Variants in SNX8 observed in about 807,000 individuals in gnomAD.
SNX8 encodes sorting nexin 8.
SNX8 carries 25 observed loss-of-function variants against 51.6 expected under a neutral mutation model. That is an observed-to-expected ratio of 0.48 (90% confidence interval 0.35 to 0.68). The LOEUF (loss-of-function observed/expected upper bound fraction) is 0.68. Ranked by LOEUF, SNX8 falls within the 30% of genes least tolerant of loss-of-function variation. SNX8 has a pLI of 0.00. For missense variants in SNX8, 695 were observed against 624.0 expected (o/e 1.11, Z -1.21); for synonymous variants, 324 against 277.0 (o/e 1.17, Z -1.68).
At chr7:2,291,353 T>G (rs1325896964) in intron 1 of SNX8, among the ~76,000 whole-genome samples, 2 of 151,216 alleles carry the variant, frequency 1.3e-5, no homozygotes, top group South Asian at 2.1e-4. Context: ...ATCCCAGCAC[T>G]TTGGGAGGCC....
intron 5 of SNX8, among the ~76,000 whole-genome samples, chr7:2,266,626 TAAGCCACCACGCCC>T (rs1795470759): frequency 6.6e-6 from 1 of 152,126 alleles, no homozygotes; most frequent in Non-Finnish European, 1.5e-5. Flanking sequence ...ATTACAGGCG[TAAGCCACCACGCCC>T]GGCCGGTTTT....
In SNX8 at chr7:2,254,970, G is replaced by T; in HGVS notation, c.*86C>A. On this transcript the variant is annotated 3_prime_UTR_variant, in exon 11 of 11. Coordinates refer to ENST00000222990, the MANE Select transcript of SNX8 (RefSeq NM_013321.4). Reference sequence around the variant, plus strand: ...ACGGGGCGTGGCGGGGAGGGGAGCTGCCGTCCAAAGGGAATTACACCGGGA... The same window carrying T: ...ACGGGGCGTGGCGGGGAGGGGAGCTTCCGTCCAAAGGGAATTACACCGGGA... 1.1e-6 allele frequency: 1 copy of T among 933,910 alleles called. No homozygotes were observed. The highest frequency in any genetic ancestry group is 1.7e-6 in the Non-Finnish European group (1 of 594,270). 57.9% of individuals were successfully genotyped at this position (933,910 alleles called of 1,614,324 possible).
At chr7:2,328,843 T>C (rs1778675633) in intron 1 of SNX8, among the ~76,000 whole-genome samples, 1 of 151,938 alleles carries the variant, frequency 6.6e-6, no homozygotes. Flanking sequence ...CCCAGCACTT[T>C]GGGAGGCCGA....
At chr7:2,290,738 G>A (rs1796131907) in intron 1 of SNX8, among the ~76,000 whole-genome samples, 1 of 152,170 alleles carries the variant, frequency 6.6e-6, no homozygotes, top group South Asian at 2.1e-4. Context: ...CCAAGCAAAA[G>A]CTGCTGACAC....
intron 7 of SNX8, 142 bp from the exon 8 acceptor site, chr7:2,257,945 A>AG: frequency 1.4e-6 from 1 of 727,464 alleles, no homozygotes; most frequent in Non-Finnish European, 2.3e-6. Context: ...CCAGGTCTGC[A>AG]GGGGGCCCCC....
At position 2,305,624 on chromosome 7, in the gene SNX8, T is replaced by A. The variant is rs10263292; in HGVS notation, c.94+8704A>T. On this transcript the variant is annotated intron_variant, in intron 1 of 10. Coordinates refer to ENST00000222990, the MANE Select transcript of SNX8 (RefSeq NM_013321.4). ...GGTGATCCGCCTGCCTCGGCCTCCC[T>A]AAGTGCTGGGATTACAGGCGTGAGC... Among the ~76,000 whole-genome samples, 83 of 151,988 alleles carry A rather than the reference T, an allele frequency of 5.5e-4. 2 individuals carry two copies. The highest frequency in any genetic ancestry group is 1.3e-3 in the African/African-American group (56 of 41,504).
intron 6 of SNX8, among the ~76,000 whole-genome samples, chr7:2,263,857 C>T (rs1795398094): frequency 2.0e-5 from 3 of 152,082 alleles, no homozygotes; most frequent in Admixed American, 6.5e-5. Context: ...AGATGACAGG[C>T]ACCCGCCACC....
intron 1 of SNX8, chr7:2,309,783 C>G (rs576029513): frequency 2.1e-6 from 1 of 470,384 alleles, no homozygotes; most frequent in East Asian, 6.9e-5. Context: ...TTCTGACCAA[C>G]GTATTCACAC....
intron 1 of SNX8, among the ~76,000 whole-genome samples, chr7:2,294,107 C>T (rs1047280456): frequency 3.3e-5 from 5 of 151,200 alleles, no homozygotes. Context: ...ACTAGAAATA[C>T]AAAAAATTAG....
chr7:2,299,391 G>T (rs73675878), intron 1 of SNX8: 2 of 152,032 alleles, frequency 1.3e-5, no homozygotes, highest in African/African-American at 4.8e-5. Context: ...AGGGACAAGC[G>T]GAGCCAGCCA....
At position 2,257,378 on chromosome 7, in the gene SNX8, G is replaced by A. The variant is rs1467278281; in HGVS notation, c.1121C>T (p.Ser374Phe). 2.2e-5 allele frequency: 36 copies of A among 1,608,016 alleles called. No individual in the cohort carries two copies. Among genetic ancestry groups the A allele is most frequent in the Non-Finnish European group, 2.9e-5 (34 of 1,179,482 alleles). The change falls in exon 9 of 11, where the codon TCC (serine) becomes TTC (phenylalanine). Residue 374 changes from serine to phenylalanine, a missense_variant. Ser to Phe is a radical substitution (Grantham distance 155, BLOSUM62 -2). Coordinates refer to ENST00000222990, the MANE Select transcript of SNX8 (RefSeq NM_013321.4). ...REPESVEQLESRIVEQENAIQ... is the reference protein window; with the variant it reads ...REPESVEQLEFRIVEQENAIQ... ...CCCGCCACCCACCTCCACAATGCGGGACTCCAGCTGCTCCACGGACTCCGG... is the reference window on the plus strand; with the variant it reads ...CCCGCCACCCACCTCCACAATGCGGAACTCCAGCTGCTCCACGGACTCCGG...
chr7:2,322,014 C>A (rs909257117), intron 1 of SNX8, among the ~76,000 whole-genome samples: 2 of 152,174 alleles, frequency 1.3e-5, no homozygotes, highest in Non-Finnish European at 1.5e-5. Context: ...TGAGCCACTG[C>A]GCCCGGCCTC....
At chr7:2,351,658 C>T (rs1454261720) in intron 1 of SNX8, among the ~76,000 whole-genome samples, 1 of 151,732 alleles carries the variant, frequency 6.6e-6, no homozygotes, top group African/African-American at 2.4e-5. Context: ...GGATGAAACC[C>T]GTCTCTACTA....
intron 1 of SNX8, among the ~76,000 whole-genome samples, chr7:2,305,668 T>C (rs949255926): frequency 2.0e-5 from 3 of 151,782 alleles, no homozygotes; most frequent in East Asian, 1.9e-4. Context: ...CCGGCCTGTA[T>C]TGTATTATTT....
chr7:2,315,866 GCATT>G (rs910669790), upstream of SNX8, among the ~76,000 whole-genome samples: 21 of 114,282 alleles, frequency 1.8e-4, no homozygotes, highest in South Asian at 2.3e-3. Flanking sequence ...ACTGCATCCT[GCATT>G]CATTCACTCA....
intron 2 of SNX8, among the ~76,000 whole-genome samples, chr7:2,275,568 G>T (rs1022635780): frequency 1.2e-4 from 18 of 152,240 alleles, no homozygotes; most frequent in Admixed American, 7.9e-4. Context: ...TGGGCATGGT[G>T]GTGGGCGGCT....
At chr7:2,286,475 C>T (rs912450475) in intron 1 of SNX8, among the ~76,000 whole-genome samples, 4 of 151,826 alleles carry the variant, frequency 2.6e-5, no homozygotes, top group Non-Finnish European at 4.4e-5. Context: ...TTGCATATTA[C>T]TTTCCATGTG....
intron 1 of SNX8, among the ~76,000 whole-genome samples, chr7:2,329,681 T>C (rs1335605219): frequency 3.3e-5 from 5 of 152,078 alleles, no homozygotes; most frequent in Non-Finnish European, 7.4e-5. Flanking sequence ...GAAGCCTCCA[T>C]AAAAATCCAA....
chr7:2,257,685 A>G, intron 8 of SNX8, 50 bp downstream of exon 8: 1 of 1,586,974 alleles, frequency 6.3e-7, no homozygotes, highest in Non-Finnish European at 8.7e-7. Context: ...AAGGATCCTA[A>G]GATCATTCCT....
Sources: gnomAD v4.1 joint callset for allele counts (sites outside exome capture counted in the v4.1 genomes callset) on GRCh38, gnomAD v4.1.1 for gene constraint, MANE v1.5 for transcripts, NCBI Gene and HGNC (gene_info 2026-07-23, HGNC 2026-07-21) for gene names.